ESYT2: variants seen among roughly 807,000 people sequenced by gnomAD.
ESYT2 encodes extended synaptotagmin-2.
ESYT2 carries 54 observed loss-of-function variants against 107.2 expected under a neutral mutation model. The observed-to-expected ratio is 0.50, with a 90% CI of 0.40 to 0.63. The LOEUF (loss-of-function observed/expected upper bound fraction) is 0.63. ESYT2 is among the 30% of genes least tolerant of loss of function. ESYT2 has a pLI of 0.00. For missense variants in ESYT2, 1,020 were observed against 1,094.5 expected (o/e 0.93, Z 0.96); for synonymous variants, 491 against 434.1 (o/e 1.13, Z -1.63).
In ESYT2 at chr7:158,767,702, T is replaced by G; in HGVS notation, c.876A>C (p.Pro292=). The change falls in exon 8 of 23, where the codon CCA becomes CCC. Residue 292 remains proline (P), a synonymous_variant. Transcript: ENST00000275418. ...YLVLPNRITV[P]LVSEVQIAQL... is the part of the protein sequence containing the mutation. ...GAGCTATTTGAACTTCACTGACAAGTGGAACGGTGATTCGATTGGGAAGCA... is the reference window on the plus strand; with the variant it reads ...GAGCTATTTGAACTTCACTGACAAGGGGAACGGTGATTCGATTGGGAAGCA... 3.7e-6 allele frequency: 6 copies of G among 1,613,294 alleles called. No homozygotes were observed. The highest frequency in any genetic ancestry group is 5.1e-6 in the Non-Finnish European group (6 of 1,179,580).
At position 158,735,529 on chromosome 7, in the gene ESYT2, A is replaced by G; in HGVS notation, c.2479T>C (p.Ser827Pro). 1.2e-6 allele frequency: 2 copies of G among 1,614,146 alleles called. No individual in the cohort carries two copies. The highest frequency in any genetic ancestry group is 4.5e-5 in the East Asian group (2 of 44,884). Residue 827 changes from serine to proline, a missense_variant, in exon 21 of 23, where the codon TCC (serine) becomes CCC (proline). Coordinates refer to ENST00000275418, the MANE Select transcript of ESYT2 (RefSeq NM_001367773.1). Reference protein sequence around the residue: ...VAVKNSGGFLSKDKGLLGKVL... With the variant: ...VAVKNSGGFLPKDKGLLGKVL... ...TTGCCAAGGAGCCCTTTGTCTTTGG[A>G]CAGGAAGCCGCCACTGTTCTTCACG...
At chr7:158,756,634 C>T (rs569757191) in intron 13 of ESYT2, among the ~76,000 whole-genome samples, 18 of 152,222 alleles carry the variant, frequency 1.2e-4, no homozygotes, top group Admixed American at 4.6e-4. Flanking sequence ...ATAGGCCGGG[C>T]ATGGTGGCTC....
intron 1 of ESYT2, among the ~76,000 whole-genome samples, chr7:158,827,296 A>G (rs958264690): frequency 6.6e-6 from 1 of 152,160 alleles, no homozygotes; most frequent in Non-Finnish European, 1.5e-5. Context: ...TTCAGCACTG[A>G]TAACATTGCT....
chr7:158,789,346 G>A (rs553799034), intron 4 of ESYT2, among the ~76,000 whole-genome samples: 1 of 152,078 alleles, frequency 6.6e-6, no homozygotes, highest in East Asian at 1.9e-4. Flanking sequence ...TTCATTCTAT[G>A]ACTTGATCAT....
chr7:158,820,925 T>C (rs1840270474), intron 1 of ESYT2, among the ~76,000 whole-genome samples: 1 of 152,218 alleles, frequency 6.6e-6, no homozygotes, highest in African/African-American at 2.4e-5. Context: ...ACATTTTGTG[T>C]CACTAGCACC....
rs1456502269 is a variant in ESYT2, at chr7:158,829,287, G to A, written c.132C>T (p.Phe44=). The change falls in exon 1 of 23, where the codon TTC becomes TTT. Residue 44 remains phenylalanine (F), a synonymous_variant. Transcript: ENST00000275418. ...GCGCGTACACGGGCAGCAGCAGCGCGAAGCTCCGCGCCAGCTGCGCCAGCA... is the reference window on the plus strand; with the variant it reads ...GCGCGTACACGGGCAGCAGCAGCGCAAAGCTCCGCGCCAGCTGCGCCAGCA... ...PGLLAQLARS[F]ALLLPVYALG... The A allele has an allele frequency of 2.0e-5, 31 of 1,513,468 alleles. No homozygotes were observed. Among genetic ancestry groups the A allele is most frequent in the Non-Finnish European group, 2.6e-5 (30 of 1,139,676 alleles). The allele number at this position is 1,513,468 out of a possible 1,614,324, so 93.8% of individuals were successfully genotyped here. A position where few individuals can be genotyped will look rare whatever the true frequency, so the allele number is the denominator to read the frequency against.
intron 13 of ESYT2, among the ~76,000 whole-genome samples, chr7:158,754,548 A>C (rs1837689901): frequency 6.6e-6 from 1 of 152,030 alleles, no homozygotes; most frequent in Non-Finnish European, 1.5e-5. Context: ...ACTTGCACAA[A>C]GCTCCTAGCA....
intron 1 of ESYT2, among the ~76,000 whole-genome samples, chr7:158,821,465 T>C (rs1178324140): frequency 1.3e-5 from 2 of 152,218 alleles, no homozygotes; most frequent in Non-Finnish European, 2.9e-5. Context: ...ACACAGTAGC[T>C]TTCCTTTTCT....
chr7:158,803,160 G>A (rs548501132), intron 1 of ESYT2, among the ~76,000 whole-genome samples: 13 of 152,378 alleles, frequency 8.5e-5, no homozygotes, highest in Admixed American at 4.6e-4. Flanking sequence ...GGGCCAACGC[G>A]CCGTTCCCCG....
chr7:158,784,244 G>A (rs1193367771), intron 6 of ESYT2, among the ~76,000 whole-genome samples: 1 of 152,224 alleles, frequency 6.6e-6, no homozygotes, highest in African/African-American at 2.4e-5. Flanking sequence ...AAAACTCCCA[G>A]TTACTAACGT....
intron 6 of ESYT2, among the ~76,000 whole-genome samples, chr7:158,778,567 G>A (rs912169814): frequency 7.2e-5 from 11 of 151,904 alleles, no homozygotes; most frequent in African/African-American, 2.7e-4. Flanking sequence ...GAAATTTCAC[G>A]TTCCATACTA....
At chr7:158,814,994 C>G (rs1840109467) in intron 1 of ESYT2, among the ~76,000 whole-genome samples, 1 of 152,242 alleles carries the variant, frequency 6.6e-6, no homozygotes, top group South Asian at 2.1e-4. Flanking sequence ...AGGTCAAGGG[C>G]TGCCTTGCTC....
chr7:158,788,887 A>G (rs1448409644), intron 4 of ESYT2, among the ~76,000 whole-genome samples: 1 of 152,248 alleles, frequency 6.6e-6, no homozygotes, highest in Non-Finnish European at 1.5e-5. Flanking sequence ...ACAGTGCCCT[A>G]GGCCTCTATA....
chr7:158,799,914 GCAGTTCAAGAC>G (rs745309297), intron 1 of ESYT2, among the ~76,000 whole-genome samples: 24 of 152,178 alleles, frequency 1.6e-4, no homozygotes, highest in Non-Finnish European at 2.8e-4. Flanking sequence ...CTTAAAGCCA[GCAGTTCAAGAC>G]CAGCCTGGCC....
chr7:158,733,346 CA>C lies in ESYT2; in HGVS notation c.*860del, dbSNP rs1215041281. ...ACAAAGCTCATGACTGATTGTTTGA[CA>C]ACAGCTTAATTGCTAACATTGAAAG... is the stretch of plus-strand genomic sequence containing the variant. On this transcript the variant is annotated 3_prime_UTR_variant, in exon 23 of 23. Coordinates refer to ENST00000275418, the MANE Select transcript of ESYT2 (RefSeq NM_001367773.1). 6.6e-6 allele frequency: 1 copy of C among 152,182 alleles called. No homozygotes were observed. The highest frequency in any genetic ancestry group is 6.5e-5 in the Admixed American group (1 of 15,272). 9.4% of individuals were successfully genotyped at this position (152,182 alleles called of 1,614,324 possible).
In ESYT2 at chr7:158,741,598, G is replaced by A; in HGVS notation, c.2093C>T (p.Thr698Ile). 6.2e-7 allele frequency: 1 copy of A among 1,611,878 alleles called. No homozygotes were observed. Residue 698 changes from threonine to isoleucine, a missense_variant, in exon 18 of 23, where the codon ACC (threonine) becomes ATC (isoleucine). By Grantham distance (89) the Thr-to-Ile change is moderately conservative. Transcript: ENST00000275418. ...SPGHISVKEPTPSIASDISLP... is the reference protein window; with the variant it reads ...SPGHISVKEPIPSIASDISLP... ...CGAGATGTCCGAGGCGATGCTGGGG[G>A]TCGGCTCCTTGACTGAGATGTGGCC...
At chr7:158,824,303 A>G (rs1840374300) in intron 1 of ESYT2, among the ~76,000 whole-genome samples, 1 of 152,230 alleles carries the variant, frequency 6.6e-6, no homozygotes. Flanking sequence ...TCAGGTGCTG[A>G]AGAAGCACTT....
chr7:158,807,617 A>C (rs1839870132), intron 1 of ESYT2, among the ~76,000 whole-genome samples: 1 of 152,188 alleles, frequency 6.6e-6, no homozygotes, highest in Non-Finnish European at 1.5e-5. Flanking sequence ...ATCTTTCCCA[A>C]TTATAGCCTG....
chr7:158,748,235 A>C lies in ESYT2; in HGVS notation c.1603T>G (p.Phe535Val). ...TGGCGCTTGGGATTGTGAATGAAGA[A>C]AGTGAAGTTTTCCTCCCACACAGGT... is the stretch of plus-strand genomic sequence containing the variant. ...NEPVWEENFT[F>V]FIHNPKRQDL... is the part of the protein sequence containing the mutation. The change falls in exon 16 of 23, where the codon TTC (phenylalanine) becomes GTC (valine). Residue 535 changes from phenylalanine to valine, a missense_variant. By Grantham distance (50) the Phe-to-Val change is conservative (BLOSUM62 -1). Transcript: ENST00000275418. The C allele has an allele frequency of 1.2e-6, 2 of 1,614,202 alleles. No homozygotes were observed. Among genetic ancestry groups the C allele is most frequent in the Non-Finnish European group, 1.7e-6 (2 of 1,180,038 alleles).
Sources: allele counts gnomAD v4.1 joint callset (sites outside exome capture counted in the v4.1 genomes callset), GRCh38; gene constraint gnomAD v4.1.1; transcripts MANE v1.5; gene names NCBI Gene and HGNC (gene_info 2026-07-23, HGNC 2026-07-21).